SNX29: variants seen among roughly 807,000 people sequenced by gnomAD.
The protein encoded by SNX29 is sorting nexin-29.
In SNX29, 78 loss-of-function variants were observed where a neutral mutation model predicts 102.1. The ratio of observed to expected loss-of-function variants is 0.76; its 90% CI spans 0.64 to 0.92. The LOEUF is 0.92. SNX29 is among the 40% of genes least tolerant of loss of function. The pLI is 0.00. For missense variants in SNX29, 1,280 were observed against 1,061.7 expected, an observed-to-expected ratio of 1.21 and a Z score of -2.86; for synonymous variants, 580 against 414.5, an observed-to-expected ratio of 1.40 and a Z score of -4.85.
intron 20 of SNX29, among the ~76,000 whole-genome samples, chr16:12,539,884 C>T (rs556426240): frequency 4.1e-4 from 63 of 152,260 alleles, no homozygotes; most frequent in African/African-American, 1.4e-3. Flanking sequence ...AGAAACTAGG[C>T]TGTTTGTGGT....
At chr16:12,099,204 T>C (rs1208210719) in intron 11 of SNX29, among the ~76,000 whole-genome samples, 1 of 152,226 alleles carries the variant, frequency 6.6e-6, no homozygotes, top group Non-Finnish European at 1.5e-5. Context: ...ATGTTTGCTG[T>C]GAACATTGGC....
At chr16:12,423,622 G>A (rs2084949753) in intron 18 of SNX29, among the ~76,000 whole-genome samples, 1 of 152,166 alleles carries the variant, frequency 6.6e-6, no homozygotes, top group Admixed American at 6.5e-5. Flanking sequence ...CCAGGCTGGA[G>A]TGCAGTGGCG....
chr16:12,364,400 A>T (rs2082398392), intron 16 of SNX29, among the ~76,000 whole-genome samples: 1 of 140,800 alleles, frequency 7.1e-6, no homozygotes, highest in Non-Finnish European at 1.5e-5. Context: ...TAAGGATTGA[A>T]TTTTTCTCTC....
chr16:11,977,055 C>T (rs1596514130), intron 1 of SNX29: 5 of 414,642 alleles, frequency 1.2e-5, no homozygotes, highest in Non-Finnish European at 2.0e-5. Flanking sequence ...CCATAAAAAC[C>T]AGCTCCTAAA....
chr16:12,231,616 A>T (rs1351306533), intron 14 of SNX29, among the ~76,000 whole-genome samples: 2 of 152,208 alleles, frequency 1.3e-5, no homozygotes, highest in Non-Finnish European at 2.9e-5. Flanking sequence ...TGTGTACAGA[A>T]TTTCCCCATG....
rs551166126 is a variant in SNX29, at chr16:12,223,867, C to T, written c.1678+24184C>T. 4.6e-5 allele frequency among the ~76,000 whole-genome samples: 7 copies of T among 152,282 alleles called. No homozygotes were observed. In the South Asian group the frequency reaches 8.3e-4, roughly 18 times the overall value. ...GGCAAGCATTTCATGGCCAGTGGCT[C>T]GTGGAATCCACGCCACAGTACTTTA... On this transcript the variant is annotated intron_variant, in intron 14 of 20. Coordinates refer to ENST00000566228, the MANE Select transcript of SNX29 (RefSeq NM_032167.5).
intron 20 of SNX29, among the ~76,000 whole-genome samples, chr16:12,547,919 C>T (rs971332887): frequency 3.9e-5 from 6 of 152,142 alleles, no homozygotes; most frequent in African/African-American, 9.7e-5. Flanking sequence ...CTTAGGGGTT[C>T]AGGGATACCT....
In SNX29 at chr16:12,569,140, G is replaced by GTT. The variant is rs1567226388; in HGVS notation, c.*511_*512insTT. 4 of 100,144 alleles carry GTT rather than the reference G, an allele frequency of 4.0e-5. No homozygotes were observed. In the East Asian group the frequency reaches 6.0e-4, roughly 15 times the overall value. The allele number at this position is 100,144 out of a possible 1,614,324, so 6.2% of individuals were successfully genotyped here. A position where few individuals can be genotyped will look rare whatever the true frequency, so the allele number is the denominator to read the frequency against. The stretch of plus-strand genomic sequence containing the variant: ...GGCTTTGCGGGGGGGGGGGGGGGGG[G>GTT]GGGCATGGTTCCTTTCACTGCATTT... On this transcript the variant is annotated 3_prime_UTR_variant, in exon 21 of 21. Coordinates refer to ENST00000566228, the MANE Select transcript of SNX29 (RefSeq NM_032167.5).
intron 18 of SNX29, among the ~76,000 whole-genome samples, chr16:12,426,787 A>G (rs934610707): frequency 2.0e-5 from 3 of 152,060 alleles, no homozygotes; most frequent in African/African-American, 7.2e-5. Context: ...TGCCTTGGCT[A>G]CCTATGTAGC....
intron 16 of SNX29, among the ~76,000 whole-genome samples, chr16:12,391,888 C>T (rs764471578): frequency 4.6e-5 from 7 of 152,094 alleles, no homozygotes; most frequent in Non-Finnish European, 7.4e-5. Context: ...GTGATTGTTA[C>T]GTTGATTTTT....
chr16:12,278,563 TG>T (rs1272768636), intron 15 of SNX29, among the ~76,000 whole-genome samples: 3 of 152,172 alleles, frequency 2.0e-5, no homozygotes, highest in Non-Finnish European at 4.4e-5. Context: ...GAGGGTTTCA[TG>T]GTGATTTCTA....
intron 15 of SNX29, among the ~76,000 whole-genome samples, chr16:12,341,637 T>A (rs1409302820): frequency 1.3e-5 from 2 of 152,244 alleles, no homozygotes; most frequent in East Asian, 1.9e-4. Context: ...GAGGCTCCCA[T>A]CTTGTGGCCA....
At chr16:12,543,713 A>G (rs902535486) in intron 20 of SNX29, among the ~76,000 whole-genome samples, 5 of 152,224 alleles carry the variant, frequency 3.3e-5, no homozygotes, top group African/African-American at 9.6e-5. Flanking sequence ...AACCACGGGA[A>G]TTAATGAATT....
intron 20 of SNX29, among the ~76,000 whole-genome samples, chr16:12,549,136 G>C (rs151006632): frequency 2.0e-5 from 3 of 152,174 alleles, no homozygotes; most frequent in Non-Finnish European, 4.4e-5. Context: ...TTCTGGGGTA[G>C]TTTTGATTTA....
At chr16:11,977,552 GCAGCCCTTCCCTTCTTGTCCCGTGCC>G (rs2055330821) in intron 1 of SNX29, 1 of 152,558 alleles carries the variant, frequency 6.6e-6, no homozygotes, top group Non-Finnish European at 1.5e-5. Context: ...GCCTTGTCCT[GCAGCCCTTCCCTTCTTGTCCCGTGCC>G]CAGCCCATCT....
intron 18 of SNX29, among the ~76,000 whole-genome samples, chr16:12,449,713 C>A (rs1019706944): frequency 3.9e-5 from 6 of 152,202 alleles, no homozygotes; most frequent in Non-Finnish European, 8.8e-5. Flanking sequence ...AGGCCTGTCT[C>A]ACTTCAGAGC....
In SNX29 at chr16:12,542,863, ATGTC is replaced by A. The variant is rs550350350; in HGVS notation, c.2318+18025_2318+18028del. Among the ~76,000 whole-genome samples, 137 of 152,176 alleles carry A rather than the reference ATGTC, an allele frequency of 9.0e-4. 3 individuals carry two copies. The highest frequency in any genetic ancestry group is 3.2e-3 in the African/African-American group (133 of 41,510). ...CATGAGCAGTACTCAGAAATGCTAA[ATGTC>A]TGAGTCTCTAGAGGTCCCAGAAACA... is the stretch of plus-strand genomic sequence containing the variant. On this transcript the variant is annotated intron_variant, in intron 20 of 20. Transcript: ENST00000566228.
intron 16 of SNX29, among the ~76,000 whole-genome samples, chr16:12,389,114 C>A (rs936342708): frequency 6.6e-6 from 1 of 152,160 alleles, no homozygotes; most frequent in Admixed American, 6.5e-5. Flanking sequence ...TACATCCACT[C>A]CCCATGTTAC....
At chr16:12,519,167 G>A (rs138552661) in intron 19 of SNX29, among the ~76,000 whole-genome samples, 65 of 152,196 alleles carry the variant, frequency 4.3e-4, no homozygotes, top group Non-Finnish European at 6.5e-4. Flanking sequence ...GAAATCTCCC[G>A]GTTTTAATGT....
Sources: gnomAD v4.1 joint callset for allele counts (sites outside exome capture counted in the v4.1 genomes callset) on GRCh38, gnomAD v4.1.1 for gene constraint, MANE v1.5 for transcripts, NCBI Gene and HGNC (gene_info 2026-07-23, HGNC 2026-07-21) for gene names.